SPMAP2L: variants seen among roughly 807,000 people sequenced by gnomAD.
SPMAP2L encodes the protein sperm microtubule associated protein 2 like, also known as sperm microtubule associated protein 2-like.
At chr4:56,619,283 G>A in the SPMAP2L span, among the ~76,000 whole-genome samples, 4 of 152,116 alleles carry the variant, frequency 2.6e-5, no homozygotes, top group Non-Finnish European at 4.4e-5. Context: ...ACCTCTAAAA[G>A]CAAAACTGCA....
the SPMAP2L span, among the ~76,000 whole-genome samples, chr4:56,583,065 G>A: frequency 6.6e-6 from 1 of 152,100 alleles, no homozygotes; most frequent in Non-Finnish European, 1.5e-5. Flanking sequence ...TTGAGGTCAG[G>A]CGTTCGAGAA....
At chr4:56,565,083 A>G in the SPMAP2L span, among the ~76,000 whole-genome samples, 1,077 of 152,294 alleles carry the variant, frequency 7.1e-3, 17 homozygotes, top group African/African-American at 0.024. Flanking sequence ...GTCCCAGATT[A>G]TGATCTATCT....
chr4:56,574,733 A>G, the SPMAP2L span, among the ~76,000 whole-genome samples: 1 of 151,076 alleles, frequency 6.6e-6, no homozygotes, highest in Admixed American at 6.6e-5. Context: ...TAATTCTAGC[A>G]CTTTGGGAGG....
At chr4:56,621,271 G>C in the SPMAP2L span, among the ~76,000 whole-genome samples, 3 of 151,902 alleles carry the variant, frequency 2.0e-5, no homozygotes, top group Admixed American at 1.3e-4. Flanking sequence ...ATAGTGATAG[G>C]TTTTTGTACT....
the SPMAP2L span, among the ~76,000 whole-genome samples, chr4:56,534,942 AAAC>A: frequency 8.8e-3 from 1,335 of 152,104 alleles, 14 homozygotes; most frequent in Middle Eastern, 0.068. Context: ...CAACAACAAC[AAAC>A]AACAACAACA....
the SPMAP2L span, among the ~76,000 whole-genome samples, chr4:56,607,415 G>A: frequency 6.6e-6 from 1 of 152,168 alleles, no homozygotes; most frequent in Non-Finnish European, 1.5e-5. Context: ...AAATTAGCCA[G>A]TGTTTGGTGT....
the SPMAP2L span, chr4:56,557,859 G>A: frequency 2.0e-5 from 3 of 152,246 alleles, no homozygotes; most frequent in African/African-American, 7.2e-5. Flanking sequence ...TGCTAAACAG[G>A]TAATTTTTAA....
the SPMAP2L span, among the ~76,000 whole-genome samples, chr4:56,565,472 C>G: frequency 1.2e-4 from 19 of 152,292 alleles, no homozygotes; most frequent in Admixed American, 5.9e-4. Context: ...ACACACCTGA[C>G]CTTGTGTGAT....
the SPMAP2L span, among the ~76,000 whole-genome samples, chr4:56,543,345 A>T: frequency 6.6e-6 from 1 of 152,074 alleles, no homozygotes; most frequent in African/African-American, 2.4e-5. Context: ...GGCCTCCCAA[A>T]GTGCTCGGAT....
chr4:56,548,773 C>G, the SPMAP2L span: 4 of 1,483,508 alleles, frequency 2.7e-6, no homozygotes, highest in Non-Finnish European at 2.7e-6. Flanking sequence ...TTTGCTTTTA[C>G]TTTTGTTTTC....
the SPMAP2L span, among the ~76,000 whole-genome samples, chr4:56,602,989 G>T: frequency 7.2e-5 from 11 of 152,078 alleles, no homozygotes; most frequent in Non-Finnish European, 1.6e-4. Flanking sequence ...AAAGAGAAAA[G>T]GTTTTGGAAT....
the SPMAP2L span, chr4:56,552,601 G>A: frequency 2.6e-6 from 4 of 1,520,492 alleles, no homozygotes; most frequent in Non-Finnish European, 3.5e-6. Context: ...AAAGCAATGG[G>A]GAACTCCAGA....
At chr4:56,584,070 G>C in the SPMAP2L span, among the ~76,000 whole-genome samples, 1 of 151,874 alleles carries the variant, frequency 6.6e-6, no homozygotes, top group Non-Finnish European at 1.5e-5. Context: ...GGGCTCAAGT[G>C]ATCCTCCCGC....
the SPMAP2L span, chr4:56,584,465 T>C: frequency 7.2e-7 from 1 of 1,397,510 alleles, no homozygotes; most frequent in Non-Finnish European, 9.8e-7. Context: ...CATCCAACAG[T>C]TATAATATTT....
chr4:56,594,449 C>T, the SPMAP2L span: 61 of 1,605,244 alleles, frequency 3.8e-5, no homozygotes, highest in Non-Finnish European at 5.2e-5. Context: ...TTTCTGAGAG[C>T]TTGAGAAGGA....
chr4:56,547,371 A>C, the SPMAP2L span, among the ~76,000 whole-genome samples: 1 of 151,346 alleles, frequency 6.6e-6, no homozygotes, highest in Non-Finnish European at 1.5e-5. Context: ...TCAGCCTCCC[A>C]AGTAGCTGGG....
chr4:56,609,091 C>G, the SPMAP2L span, among the ~76,000 whole-genome samples: 1 of 149,534 alleles, frequency 6.7e-6, no homozygotes, highest in Admixed American at 6.7e-5. Context: ...GCTCTGTCAC[C>G]CGGACTGGAG....
At chr4:56,590,779 A>C in the SPMAP2L span, among the ~76,000 whole-genome samples, 34 of 152,246 alleles carry the variant, frequency 2.2e-4, no homozygotes, top group African/African-American at 8.2e-4. Flanking sequence ...TTAGATCATA[A>C]GCCTTAATTG....
the SPMAP2L span, chr4:56,548,672 G>C: frequency 1.8e-6 from 1 of 544,534 alleles, no homozygotes; most frequent in Non-Finnish European, 2.9e-6. Context: ...ATTTCAGTTG[G>C]CCATTTCCCC....
Sources: allele counts gnomAD v4.1 joint callset (sites outside exome capture counted in the v4.1 genomes callset), GRCh38; gene constraint gnomAD v4.1.1; transcripts MANE v1.5; gene names NCBI Gene and HGNC (gene_info 2026-07-23, HGNC 2026-07-21).